CCNH: variants seen among roughly 807,000 people sequenced by gnomAD.
CCNH encodes the protein cyclin-H.
A neutral mutation model predicts 41.9 loss-of-function variants in CCNH; 31 were observed. The observed-to-expected ratio is 0.74, with a 90% CI of 0.56 to 1.00. The LOEUF is 1.00. Among genes scored for constraint, CCNH ranks in the 50% least tolerant of loss-of-function variants. The pLI is 0.00. For synonymous variants in CCNH, 138 were observed against 136.1 expected (o/e 1.01, Z -0.10); for missense variants, 362 against 388.4 (o/e 0.93, Z 0.57).
chr5:87,385,419 A>G, intron 9 of CCNH: 1 of 1,478,536 alleles, frequency 6.8e-7, no homozygotes, highest in Non-Finnish European at 9.4e-7. Context: ...TTAAAATGTA[A>G]TTTATGAATG....
intron 8 of CCNH, 150 bp from the exon 9 acceptor site, chr5:87,394,634 G>T: frequency 6.9e-7 from 1 of 1,456,622 alleles, no homozygotes. Flanking sequence ...TTCACTGTTA[G>T]TAATGTTGGC....
downstream of CCNH, among the ~76,000 whole-genome samples, chr5:87,316,565 T>C (rs1486671094): frequency 6.6e-6 from 1 of 152,194 alleles, no homozygotes; most frequent in East Asian, 1.9e-4. Flanking sequence ...ATATCTTTCT[T>C]CTCTGAAATT....
downstream of CCNH, among the ~76,000 whole-genome samples, chr5:87,314,972 C>G (rs1406308295): frequency 6.6e-6 from 1 of 152,148 alleles, no homozygotes. Flanking sequence ...CTAAATAAAA[C>G]ATTTTTGAAT....
At chr5:87,401,394 T>A (rs1763400463) in intron 6 of CCNH, among the ~76,000 whole-genome samples, 1 of 152,250 alleles carries the variant, frequency 6.6e-6, no homozygotes, top group African/African-American at 2.4e-5. Context: ...TCCCATTACA[T>A]CTTTTTCAGT....
downstream of CCNH, among the ~76,000 whole-genome samples, chr5:87,388,334 C>G (rs1184700483): frequency 6.6e-6 from 1 of 152,072 alleles, no homozygotes; most frequent in African/African-American, 2.4e-5. Flanking sequence ...TAATCCAAGC[C>G]CTTGTTAAAT....
intron 9 of CCNH, among the ~76,000 whole-genome samples, chr5:87,350,650 T>A (rs1313142741): frequency 6.6e-6 from 1 of 151,290 alleles, no homozygotes; most frequent in Non-Finnish European, 1.5e-5. Flanking sequence ...TGATGGAACA[T>A]GAAAAAAGAA....
intron 9 of CCNH, among the ~76,000 whole-genome samples, chr5:87,335,418 G>GGTT (rs1757894230): frequency 7.4e-6 from 1 of 135,232 alleles, no homozygotes; most frequent in African/African-American, 2.8e-5. Context: ...TAAAGAATGA[G>GGTT]GTTTTTTTTT....
At chr5:87,373,992 T>C (rs1761135905), downstream of CCNH, among the ~76,000 whole-genome samples, 1 of 151,866 alleles carries the variant, frequency 6.6e-6, no homozygotes, top group Non-Finnish European at 1.5e-5. Flanking sequence ...AATGTCTGAA[T>C]GTTTTAAGTA....
At chr5:87,321,799 A>G (rs1756832544) in intron 9 of CCNH, among the ~76,000 whole-genome samples, 1 of 152,276 alleles carries the variant, frequency 6.6e-6, no homozygotes, top group Non-Finnish European at 1.5e-5. Flanking sequence ...AATTTTCATG[A>G]CATCAGCACT....
At chr5:87,392,156 T>C (rs1762573210), downstream of CCNH, 4 of 419,926 alleles carry the variant, frequency 9.5e-6, no homozygotes, top group South Asian at 5.3e-5. Context: ...CAGAATGACA[T>C]TGGTAATCAA....
downstream of CCNH, among the ~76,000 whole-genome samples, chr5:87,375,697 ATCC>A (rs1023756208): frequency 2.0e-5 from 3 of 152,150 alleles, no homozygotes; most frequent in Admixed American, 6.6e-5. Flanking sequence ...AGCTCCTTCC[ATCC>A]TGCTGCTAAA....
At chr5:87,383,305 G>A (rs1439169112) in intron 9 of CCNH, among the ~76,000 whole-genome samples, 1 of 152,066 alleles carries the variant, frequency 6.6e-6, no homozygotes, top group Admixed American at 6.6e-5. Flanking sequence ...ACAGAACTAT[G>A]CTTATATAAA....
In CCNH at chr5:87,327,361, T is replaced by C. The variant is rs187936601; in HGVS notation, c.*91-8464A>G. Among the ~76,000 whole-genome samples the C allele has an allele frequency of 1.7e-3, 252 of 152,350 alleles. 1 individual carries two copies. Among genetic ancestry groups the C allele is most frequent in the Middle Eastern group, 6.8e-3 (2 of 294 alleles). Reference sequence around the variant, plus strand: ...AGTATTTTTCATTTTTGTATTTTTCTTTAAAGGAATTTAGTACAAGTCATT... The same window carrying C: ...AGTATTTTTCATTTTTGTATTTTTCCTTAAAGGAATTTAGTACAAGTCATT... On this transcript the variant is annotated intron_variant and NMD_transcript_variant, in intron 9 of 9. Coordinates refer to the CCNH transcript ENST00000645953.
At chr5:87,411,989 G>A (rs1208213977) in intron 1 of CCNH, among the ~76,000 whole-genome samples, 1 of 152,176 alleles carries the variant, frequency 6.6e-6, no homozygotes, top group Non-Finnish European at 1.5e-5. Context: ...TGGCTAGCGG[G>A]CCATAGTCCA....
chr5:87,401,307 CCTT>C (rs1348695520), intron 6 of CCNH, among the ~76,000 whole-genome samples: 6 of 152,308 alleles, frequency 3.9e-5, no homozygotes, highest in African/African-American at 1.2e-4. Context: ...TGTCAAATCT[CCTT>C]CTACCTTTCT....
intron 9 of CCNH, among the ~76,000 whole-genome samples, chr5:87,365,695 A>G (rs1760462716): frequency 6.6e-6 from 1 of 152,084 alleles, no homozygotes; most frequent in Non-Finnish European, 1.5e-5. Context: ...TAGACTCATA[A>G]GATAAAAAAT....
intron 3 of CCNH, among the ~76,000 whole-genome samples, chr5:87,408,898 C>T (rs1764004100): frequency 6.6e-6 from 1 of 152,124 alleles, no homozygotes; most frequent in Non-Finnish European, 1.5e-5. Flanking sequence ...CAACAACAGA[C>T]CTTTGTTCAA....
At chr5:87,405,433 GA>G (rs1270307390) in intron 4 of CCNH, among the ~76,000 whole-genome samples, 2 of 152,120 alleles carry the variant, frequency 1.3e-5, no homozygotes. Context: ...AATTCCCACA[GA>G]AAAAGTTTTA....
At chr5:87,332,036 A>T (rs1356384503) in intron 9 of CCNH, among the ~76,000 whole-genome samples, 1 of 152,180 alleles carries the variant, frequency 6.6e-6, no homozygotes, top group Non-Finnish European at 1.5e-5. Context: ...ATAGTGTTAA[A>T]TGATAAAATG....
Sources: allele counts gnomAD v4.1 joint callset (sites outside exome capture counted in the v4.1 genomes callset), GRCh38; gene constraint gnomAD v4.1.1; transcripts MANE v1.5; gene names NCBI Gene and HGNC (gene_info 2026-07-23, HGNC 2026-07-21).